Variants in LARS2 observed in about 807,000 individuals in gnomAD.
The protein encoded by LARS2 is leucyl-tRNA synthetase 2, mitochondrial.
LARS2 carries 81 observed loss-of-function variants against 116.6 expected under a neutral mutation model. That is an observed-to-expected ratio of 0.69 (90% CI 0.58 to 0.84). The LOEUF (loss-of-function observed/expected upper bound fraction) is 0.84. Among genes scored for constraint, LARS2 ranks in the 40% least tolerant of loss-of-function variants. The probability of loss-of-function intolerance (pLI) is 0.00; values close to 1 mark genes in which losing one functional copy is unlikely to be tolerated. For missense variants in LARS2, 968 were observed against 1,114.5 expected, an observed-to-expected ratio of 0.87 and a Z score of 1.87; for synonymous variants, 396 against 407.2, an observed-to-expected ratio of 0.97 and a Z score of 0.33.
chr3:45,502,800 A>G (rs999201897), intron 15 of LARS2, among the ~76,000 whole-genome samples: 13 of 151,900 alleles, frequency 8.6e-5, no homozygotes, highest in Non-Finnish European at 1.6e-4. Context: ...TATTTTAATT[A>G]TTCTTCATTT....
chr3:45,528,258 GC>G (rs1237202663), intron 20 of LARS2, among the ~76,000 whole-genome samples: 1 of 152,096 alleles, frequency 6.6e-6, no homozygotes, highest in East Asian at 1.9e-4. Flanking sequence ...GATCACTTGA[GC>G]CCAGGAGTTC....
intron 19 of LARS2, among the ~76,000 whole-genome samples, chr3:45,522,972 T>G (rs1700476610): frequency 6.6e-6 from 1 of 152,188 alleles, no homozygotes; most frequent in Non-Finnish European, 1.5e-5. Context: ...ATGTTACATG[T>G]GTAATAAGCA....
intron 20 of LARS2, among the ~76,000 whole-genome samples, chr3:45,530,722 C>T (rs187819067): frequency 2.0e-5 from 3 of 152,192 alleles, no homozygotes; most frequent in Non-Finnish European, 2.9e-5. Context: ...GTTATTCCAT[C>T]TTCCACTCTA....
intron 8 of LARS2, among the ~76,000 whole-genome samples, chr3:45,462,114 T>C (rs1241022277): frequency 1.3e-5 from 2 of 152,176 alleles, no homozygotes; most frequent in Admixed American, 6.5e-5. Context: ...GCTGGAAACC[T>C]GAGAAATGGT....
At chr3:45,538,058 G>A (rs1700735225) in intron 20 of LARS2, among the ~76,000 whole-genome samples, 1 of 152,158 alleles carries the variant, frequency 6.6e-6, no homozygotes, top group Non-Finnish European at 1.5e-5. Context: ...ACCACATAAA[G>A]GAATCATTGT....
intron 8 of LARS2, among the ~76,000 whole-genome samples, chr3:45,464,358 G>A (rs928359485): frequency 2.0e-5 from 3 of 151,726 alleles, no homozygotes; most frequent in African/African-American, 4.9e-5. Flanking sequence ...AATGAAGACC[G>A]TTAGGGGGAC....
At chr3:45,429,534 T>G (rs2125693783) in intron 6 of LARS2, among the ~76,000 whole-genome samples, 1 of 152,290 alleles carries the variant, frequency 6.6e-6, no homozygotes, top group East Asian at 1.9e-4. Context: ...TGCTTTTGCA[T>G]ACCCATTTGA....
At chr3:45,503,632 CTT>C (rs1700153775) in intron 15 of LARS2, among the ~76,000 whole-genome samples, 1 of 151,660 alleles carries the variant, frequency 6.6e-6, no homozygotes, top group South Asian at 2.1e-4. Context: ...TTCAGGCTCT[CTT>C]GTCTGCTGTA....
At chr3:45,420,699 A>C (rs931287030) in intron 6 of LARS2, among the ~76,000 whole-genome samples, 1 of 152,180 alleles carries the variant, frequency 6.6e-6, no homozygotes, top group East Asian at 1.9e-4. Flanking sequence ...AGAATGAAAT[A>C]CGGTCACAGG....
chr3:45,473,510 A>G (rs555678482), intron 8 of LARS2, among the ~76,000 whole-genome samples: 185 of 151,754 alleles, frequency 1.2e-3, no homozygotes, highest in African/African-American at 4.2e-3. Context: ...CAGCCTCCCA[A>G]GTACCTGGGA....
At chr3:45,516,356 T>TTCAGCAAAGACA in intron 17 of LARS2, 80 bp downstream of exon 17, 5 of 1,392,136 alleles carry the variant, frequency 3.6e-6, no homozygotes, top group Non-Finnish European at 5.0e-6. Context: ...AGGAAATGTC[T>TTCAGCAAAGACA]TTGCTGAAGA....
chr3:45,462,935 G>A (rs1699358199), intron 8 of LARS2, among the ~76,000 whole-genome samples: 1 of 152,156 alleles, frequency 6.6e-6, no homozygotes, highest in South Asian at 2.1e-4. Flanking sequence ...AGTCCTCCTA[G>A]GATTGTTTGC....
intron 6 of LARS2, 77 bp from the exon 7 acceptor site, chr3:45,446,814 C>A: frequency 2.5e-6 from 2 of 785,948 alleles, no homozygotes; most frequent in Non-Finnish European, 4.2e-6. Flanking sequence ...TTTCAAAATT[C>A]AGTTGCAAGA....
chr3:45,415,904 G>T lies in LARS2; in HGVS notation c.364-1578G>T, dbSNP rs1190851334. On this transcript the variant is annotated intron_variant, in intron 4 of 21. Transcript: ENST00000645846. ...AGAGAGAGAGAGAGGGAGAGAGAGA[G>T]AGAGAGAGAGAGAGAGAGAGGCTAT... 8.3e-3 allele frequency among the ~76,000 whole-genome samples: 1,207 copies of T among 145,476 alleles called. 20 individuals carry two copies. The highest frequency in any genetic ancestry group is 0.032 in the African/African-American group (1,155 of 36,302).
chr3:45,534,231 G>A (rs1030541617), intron 20 of LARS2, among the ~76,000 whole-genome samples: 1 of 152,160 alleles, frequency 6.6e-6, no homozygotes, highest in African/African-American at 2.4e-5. Flanking sequence ...GGCAAGTGAG[G>A]AGTCGTATGT....
intron 4 of LARS2, among the ~76,000 whole-genome samples, chr3:45,409,211 T>G (rs1698285858): frequency 6.6e-6 from 1 of 151,964 alleles, no homozygotes; most frequent in Non-Finnish European, 1.5e-5. Context: ...TTTTTATTTT[T>G]TTTTAGGGAA....
intron 4 of LARS2, among the ~76,000 whole-genome samples, chr3:45,412,573 C>T (rs553193763): frequency 1.4e-4 from 22 of 152,164 alleles, no homozygotes; most frequent in Non-Finnish European, 2.9e-4. Context: ...TTTGAAAAAA[C>T]ATCAACTTAT....
chr3:45,410,652 C>T (rs978444181), intron 4 of LARS2, among the ~76,000 whole-genome samples: 1 of 152,158 alleles, frequency 6.6e-6, no homozygotes, highest in Non-Finnish European at 1.5e-5. Flanking sequence ...TGCTTCTCTC[C>T]ACATGCCAGC....
intron 6 of LARS2, among the ~76,000 whole-genome samples, chr3:45,440,145 C>T (rs533546432): frequency 6.6e-6 from 1 of 152,282 alleles, no homozygotes; most frequent in Non-Finnish European, 1.5e-5. Flanking sequence ...GAGCTGTGGA[C>T]TGGAAGCTTG....
Sources: gnomAD v4.1 joint callset for allele counts (sites outside exome capture counted in the v4.1 genomes callset) on GRCh38, gnomAD v4.1.1 for gene constraint, MANE v1.5 for transcripts, NCBI Gene and HGNC (gene_info 2026-07-23, HGNC 2026-07-21) for gene names.